ROBO2: variants seen among roughly 807,000 people sequenced by gnomAD.
ROBO2 encodes the protein roundabout homolog 2.
In ROBO2, 53 loss-of-function variants were observed where a neutral mutation model predicts 160.8. The ratio of observed to expected loss-of-function variants is 0.33; its 90% CI spans 0.26 to 0.41. ROBO2 has a LOEUF of 0.41. Ranked by LOEUF, ROBO2 falls within the 10% of genes least tolerant of loss-of-function variation. ROBO2 has a pLI of 1.00. For synonymous variants in ROBO2, 664 were observed against 611.7 expected (o/e 1.09, Z -1.26); for missense variants, 1,577 against 1,722.4 (o/e 0.92, Z 1.49).
intron 2 of ROBO2, among the ~76,000 whole-genome samples, chr3:76,468,363 T>C (rs1461529837): frequency 6.6e-6 from 1 of 152,148 alleles, no homozygotes. Context: ...TGTTTATTCG[T>C]TGCCTCTTTT....
chr3:77,278,124 T>C (rs1185724405), intron 2 of ROBO2, among the ~76,000 whole-genome samples: 1 of 152,174 alleles, frequency 6.6e-6, no homozygotes, highest in East Asian at 1.9e-4. Context: ...CCCTCCTCTC[T>C]AAAGAGAGAA....
At chr3:77,133,324 G>A (rs1415274284) in intron 2 of ROBO2, among the ~76,000 whole-genome samples, 2 of 152,070 alleles carry the variant, frequency 1.3e-5, no homozygotes, top group African/African-American at 4.8e-5. Flanking sequence ...TGATTTTCAA[G>A]GTAGCAAAAG....
intron 2 of ROBO2, among the ~76,000 whole-genome samples, chr3:77,347,383 C>T (rs1450065931): frequency 6.6e-6 from 1 of 151,950 alleles, no homozygotes; most frequent in African/African-American, 2.4e-5. Context: ...TTTGCGCTTC[C>T]ATGTTCTTAA....
At chr3:77,024,072 C>T (rs1259406351) in intron 2 of ROBO2, among the ~76,000 whole-genome samples, 1 of 152,114 alleles carries the variant, frequency 6.6e-6, no homozygotes, top group African/African-American at 2.4e-5. Flanking sequence ...GTGACAAACA[C>T]ATGTGAAGAA....
chr3:76,220,401 G>T (rs2107399793), intron 2 of ROBO2, among the ~76,000 whole-genome samples: 1 of 152,048 alleles, frequency 6.6e-6, no homozygotes, highest in East Asian at 1.9e-4. Context: ...TGGTCTTTTA[G>T]GGGGTGACTA....
intron 1 of ROBO2, among the ~76,000 whole-genome samples, chr3:75,921,738 A>G (rs1013340329): frequency 3.9e-5 from 6 of 152,194 alleles, no homozygotes; most frequent in Admixed American, 1.3e-4. Context: ...TAGCACCACT[A>G]CAGCAGATAA....
At chr3:76,542,737 C>T (rs896477720) in intron 2 of ROBO2, among the ~76,000 whole-genome samples, 4 of 152,130 alleles carry the variant, frequency 2.6e-5, no homozygotes, top group African/African-American at 9.7e-5. Context: ...CTTAACTGCA[C>T]CCACTTACTC....
intron 2 of ROBO2, among the ~76,000 whole-genome samples, chr3:75,951,873 C>T (rs1948550269): frequency 6.6e-6 from 1 of 151,914 alleles, no homozygotes; most frequent in African/African-American, 2.4e-5. Context: ...TTTATAAGTA[C>T]ATTTTGCTTA....
intron 2 of ROBO2, among the ~76,000 whole-genome samples, chr3:76,483,327 C>G (rs569151751): frequency 3.6e-5 from 5 of 139,824 alleles, no homozygotes; most frequent in African/African-American, 1.3e-4. Context: ...TTTTCAATTT[C>G]AACTTTTATT....
intron 2 of ROBO2, among the ~76,000 whole-genome samples, chr3:77,335,656 T>C (rs1462071522): frequency 1.3e-5 from 2 of 152,184 alleles, no homozygotes; most frequent in Admixed American, 6.5e-5. Context: ...CAGCTCTCGC[T>C]ACGAGTCATT....
intron 5 of ROBO2, among the ~76,000 whole-genome samples, chr3:77,517,884 T>C (rs1380785862): frequency 6.6e-6 from 1 of 151,384 alleles, no homozygotes. Flanking sequence ...GACTGTCTCG[T>C]GTAGTGTATT....
intron 2 of ROBO2, among the ~76,000 whole-genome samples, chr3:76,061,310 A>G (rs1416124513): frequency 6.6e-6 from 1 of 152,210 alleles, no homozygotes; most frequent in Non-Finnish European, 1.5e-5. Flanking sequence ...CAAGTTAATA[A>G]TTAGGAAATG....
chr3:76,376,043 CTG>C (rs1264643677), intron 2 of ROBO2, among the ~76,000 whole-genome samples: 1 of 152,008 alleles, frequency 6.6e-6, no homozygotes, highest in Non-Finnish European at 1.5e-5. Context: ...GAGAAGAAGA[CTG>C]TGTCTTATAT....
intron 2 of ROBO2, among the ~76,000 whole-genome samples, chr3:77,306,761 A>T (rs2063130102): frequency 6.6e-6 from 1 of 152,188 alleles, no homozygotes; most frequent in African/African-American, 2.4e-5. Context: ...ATATCTCACA[A>T]CTTAGTAAAT....
intron 2 of ROBO2, among the ~76,000 whole-genome samples, chr3:76,140,083 T>G (rs1282928422): frequency 7.2e-6 from 1 of 138,268 alleles, no homozygotes; most frequent in Admixed American, 7.0e-5. Context: ...ATATTGCCCA[T>G]GTTTGTGCCT....
chr3:76,909,332 A>G (rs75728200), intron 2 of ROBO2, among the ~76,000 whole-genome samples: 1,970 of 152,296 alleles, frequency 0.013, 42 homozygotes, highest in African/African-American at 0.044. Context: ...CTGCATGTGC[A>G]CTCGCAGACA....
chr3:76,524,868 A>T (rs2081860284), intron 2 of ROBO2, among the ~76,000 whole-genome samples: 2 of 111,676 alleles, frequency 1.8e-5, no homozygotes, highest in South Asian at 5.6e-4. Context: ...AAAAAAAAAT[A>T]AGTAAAATCA....
chr3:76,444,188 C>A (rs931092319), intron 2 of ROBO2, among the ~76,000 whole-genome samples: 1 of 152,060 alleles, frequency 6.6e-6, no homozygotes, highest in Non-Finnish European at 1.5e-5. Flanking sequence ...TCATGTTGGT[C>A]AGGCTGGTCT....
chr3:77,083,306 T>C (rs1439571914), intron 1 of ROBO2, among the ~76,000 whole-genome samples: 1 of 152,126 alleles, frequency 6.6e-6, no homozygotes, highest in Admixed American at 6.5e-5. Flanking sequence ...TGAGGCAACT[T>C]GTATGATTCT....
Sources: gnomAD v4.1 joint callset for allele counts (sites outside exome capture counted in the v4.1 genomes callset) on GRCh38, gnomAD v4.1.1 for gene constraint, MANE v1.5 for transcripts, NCBI Gene and HGNC (gene_info 2026-07-23, HGNC 2026-07-21) for gene names.